The following ALKBH3 variants were observed in gnomAD, a reference collection of about 807,000 sequenced individuals.
ALKBH3 encodes the protein alpha-ketoglutarate-dependent dioxygenase alkB homolog 3.
Under a neutral mutation model 43.9 loss-of-function variants are expected in ALKBH3, and 51 were observed. That is an observed-to-expected ratio of 1.16 (90% CI 0.93 to 1.47). The LOEUF (loss-of-function observed/expected upper bound fraction) is 1.47, where lower values mean the gene tolerates loss of function less well. Among genes scored for constraint, ALKBH3 ranks in the 40% most tolerant of loss-of-function variants. The pLI is 0.00. For synonymous variants in ALKBH3, 102 were observed against 115.2 expected, an observed-to-expected ratio of 0.89 and a Z score of 0.73; for missense variants, 361 against 351.9, an observed-to-expected ratio of 1.03 and a Z score of -0.21.
In ALKBH3 at chr11:43,889,664, A is replaced by G; in HGVS notation, c.267-61A>G. 7.6e-6 allele frequency: 11 copies of G among 1,446,236 alleles called. No homozygotes were observed. The South Asian group carries it at 1.2e-4, about 15-fold the overall frequency. The allele number at this position is 1,446,236 out of a possible 1,614,324, so 89.6% of individuals were successfully genotyped here. A position where few individuals can be genotyped will look rare whatever the true frequency, so the allele number is the denominator to read the frequency against. On this transcript the variant is annotated intron_variant, in intron 5 of 9. Coordinates refer to ENST00000302708, the MANE Select transcript of ALKBH3 (RefSeq NM_139178.4). ...ATCCAGATTAACTGTTTCCACTAACATTTAGAGTCTAACTTATCTTTTCCA... is the reference window on the plus strand; with the variant it reads ...ATCCAGATTAACTGTTTCCACTAACGTTTAGAGTCTAACTTATCTTTTCCA...
chr11:43,901,518 G>A lies in ALKBH3; in HGVS notation c.462G>A (p.Trp154Ter). 6.2e-7 allele frequency: 1 copy of A among 1,613,222 alleles called. No individual in the cohort carries two copies. ...SRITMEPNPH[W>*]HPVLRTLKNR... ...TTTTCTTGGTCTGTGGATTGCAGTG[G>A]CACCCTGTGCTGCGCACACTAAAGA... The change falls in exon 8 of 10, where the codon TGG becomes TGA. Residue 154 changes from tryptophan (W) to a stop codon, truncating the protein, a stop_gained and splice_region_variant. Transcript: ENST00000302708. LOFTEE classifies it high-confidence loss of function.
At chr11:43,888,945 G>A (rs1397256634) in intron 5 of ALKBH3, among the ~76,000 whole-genome samples, 1 of 152,240 alleles carries the variant, frequency 6.6e-6, no homozygotes, top group Non-Finnish European at 1.5e-5. Flanking sequence ...ATAATGAGCT[G>A]TAGCTTTTCC....
chr11:43,882,712 C>T lies in ALKBH3; in HGVS notation c.60C>T (p.Ser20=), dbSNP rs1418874490. The change falls in exon 2 of 10, where the codon AGC becomes AGT. Residue 20 remains serine, a synonymous_variant. Transcript: ENST00000302708. Reference sequence around the variant, plus strand: ...GAGCCTGGGCTGCCCCTGTTAAAAGCCAGGCCATTGCTCAGCCAGGCAAGA... The same window carrying T: ...GAGCCTGGGCTGCCCCTGTTAAAAGTCAGGCCATTGCTCAGCCAGGCAAGA... ...VQGAWAAPVK[S]QAIAQPATTA... 3.7e-6 allele frequency: 6 copies of T among 1,612,902 alleles called. No homozygotes were observed. The highest frequency in any genetic ancestry group is 5.1e-6 in the Non-Finnish European group (6 of 1,179,638).
intron 8 of ALKBH3, among the ~76,000 whole-genome samples, chr11:43,917,323 C>G (rs1437018721): frequency 2.0e-5 from 3 of 152,198 alleles, no homozygotes; most frequent in Admixed American, 6.5e-5. Flanking sequence ...GATCTAGCAC[C>G]TCCTTCTCCC....
chr11:43,882,743 T>C lies in ALKBH3; in HGVS notation c.79+12T>C, dbSNP rs774885140. 1 of 1,608,816 alleles carries C rather than the reference T, an allele frequency of 6.2e-7. No homozygotes were observed. Among genetic ancestry groups the C allele is most frequent in the South Asian group, 1.1e-5 (1 of 90,152 alleles). ...CATTGCTCAGCCAGGCAAGAATCTGTAGGGATTTTGTGTGTGTGTGGATAT... is the reference window on the plus strand; with the variant it reads ...CATTGCTCAGCCAGGCAAGAATCTGCAGGGATTTTGTGTGTGTGTGGATAT... On this transcript the variant is annotated intron_variant, in intron 2 of 9. Transcript: ENST00000302708.
At chr11:43,887,171 A>C (rs1391060928) in intron 5 of ALKBH3, among the ~76,000 whole-genome samples, 2 of 152,196 alleles carry the variant, frequency 1.3e-5, no homozygotes, top group African/African-American at 4.8e-5. Context: ...GGGGAGCAAA[A>C]ATTTGATAAT....
At chr11:43,913,179 A>G (rs972125060) in intron 8 of ALKBH3, among the ~76,000 whole-genome samples, 1 of 150,806 alleles carries the variant, frequency 6.6e-6, no homozygotes, top group African/African-American at 2.4e-5. Flanking sequence ...GTGTACAGAC[A>G]GCTTCATTCA....
rs563754048 is a variant in ALKBH3, at chr11:43,914,137, A to G, written c.670-4901A>G. 1.1e-4 allele frequency among the ~76,000 whole-genome samples: 17 copies of G among 152,344 alleles called. No homozygotes were observed. In the East Asian group the frequency reaches 3.3e-3, roughly 29 times the overall value. ...AGTCAGGGTGCCATATAATCAGGAC[A>G]GGAAATATTAGGATTTCAGAAGGAA... On this transcript the variant is annotated intron_variant, in intron 8 of 9. Transcript: ENST00000302708.
chr11:43,900,563 T>C (rs560025313), intron 7 of ALKBH3, among the ~76,000 whole-genome samples: 106 of 152,318 alleles, frequency 7.0e-4, no homozygotes, highest in African/African-American at 2.5e-3. Flanking sequence ...GTTGAAAATT[T>C]TTTTAGTTTT....
At chr11:43,907,227 G>T (rs889830454) in intron 8 of ALKBH3, among the ~76,000 whole-genome samples, 2 of 152,022 alleles carry the variant, frequency 1.3e-5, no homozygotes. Context: ...GTGTGTGTGT[G>T]TGCGTGTGTG....
At chr11:43,900,749 T>C (rs1469721198) in intron 7 of ALKBH3, among the ~76,000 whole-genome samples, 1 of 152,162 alleles carries the variant, frequency 6.6e-6, no homozygotes, top group Non-Finnish European at 1.5e-5. Context: ...AGCTATGTTG[T>C]TTGTAGCTCC....
chr11:43,898,895 G>A, intron 7 of ALKBH3: 2 of 753,658 alleles, frequency 2.7e-6, no homozygotes, highest in Admixed American at 1.8e-5. Context: ...TGAGTGGAGA[G>A]TGCATGTGCA....
intron 8 of ALKBH3, among the ~76,000 whole-genome samples, chr11:43,914,566 T>TA (rs34921510): frequency 0.22 from 32,873 of 150,542 alleles, 3,668 homozygotes; most frequent in Non-Finnish European, 0.26. Flanking sequence ...TGTAAACTCT[T>TA]AAAAAAAAAA....
chr11:43,883,256 A>G, intron 3 of ALKBH3, 68 bp downstream of exon 3: 2 of 1,084,260 alleles, frequency 1.8e-6, no homozygotes, highest in South Asian at 2.8e-5. Flanking sequence ...CACACAGTAG[A>G]CACTCAAATA....
At chr11:43,900,789 C>T (rs765858272) in intron 7 of ALKBH3, among the ~76,000 whole-genome samples, 3 of 152,136 alleles carry the variant, frequency 2.0e-5, no homozygotes, top group Non-Finnish European at 4.4e-5. Flanking sequence ...GGGGTCATAG[C>T]TTCCTGTAAT....
intron 7 of ALKBH3, among the ~76,000 whole-genome samples, chr11:43,894,068 G>A (rs1951802146): frequency 6.6e-6 from 1 of 152,140 alleles, no homozygotes; most frequent in African/African-American, 2.4e-5. Context: ...GGGAGTACTT[G>A]TTTAGTTTAA....
intron 8 of ALKBH3, among the ~76,000 whole-genome samples, chr11:43,911,918 C>T (rs1054778407): frequency 2.0e-5 from 3 of 152,164 alleles, no homozygotes; most frequent in African/African-American, 4.8e-5. Context: ...GTCGGGAGTT[C>T]GAGACCAGCC....
At chr11:43,911,517 C>G (rs1590380095) in intron 8 of ALKBH3, among the ~76,000 whole-genome samples, 1 of 152,260 alleles carries the variant, frequency 6.6e-6, no homozygotes, top group Non-Finnish European at 1.5e-5. Context: ...AGACAACAGG[C>G]CTGGCTGGAG....
chr11:43,892,094 A>G lies in ALKBH3; in HGVS notation c.424A>G (p.Thr142Ala). 6.2e-7 allele frequency: 1 copy of G among 1,613,754 alleles called. No individual in the cohort carries two copies. Among genetic ancestry groups the G allele is most frequent in the Non-Finnish European group, 8.5e-7 (1 of 1,179,634 alleles). Residue 142 changes from threonine to alanine, a missense_variant, in exon 7 of 10, where the codon ACT becomes GCT. Coordinates refer to ENST00000302708, the MANE Select transcript of ALKBH3 (RefSeq NM_139178.4). ...LTAWYGELPYTYSRITMEPNP... is the reference protein window; with the variant it reads ...LTAWYGELPYAYSRITMEPNP... The stretch of plus-strand genomic sequence containing the variant: ...AGCATGGTATGGAGAACTTCCTTAC[A>G]CTTATTCAAGAATCACTATGGAACC...
Sources: gnomAD v4.1 joint callset for allele counts (sites outside exome capture counted in the v4.1 genomes callset) on GRCh38, gnomAD v4.1.1 for gene constraint, MANE v1.5 for transcripts, NCBI Gene and HGNC (gene_info 2026-07-23, HGNC 2026-07-21) for gene names.